TEX2: variants seen among roughly 807,000 people sequenced by gnomAD.
The protein encoded by TEX2 is testis-expressed protein 2.
In TEX2, 53 loss-of-function variants were observed where a neutral mutation model predicts 106.9. That is an observed-to-expected ratio of 0.50 (90% CI 0.40 to 0.62). The LOEUF (loss-of-function observed/expected upper bound fraction) is 0.62, where lower values mean the gene tolerates loss of function less well. Among genes scored for constraint, TEX2 ranks in the 20% least tolerant of loss-of-function variants. The pLI is 0.00. For synonymous variants in TEX2, 523 were observed against 534.8 expected (o/e 0.98, Z 0.30); for missense variants, 1,207 against 1,379.0 (o/e 0.88, Z 1.98).
At chr17:64,247,390 C>A (rs2034009633) in intron 1 of TEX2, among the ~76,000 whole-genome samples, 1 of 152,108 alleles carries the variant, frequency 6.6e-6, no homozygotes, top group African/African-American at 2.4e-5. Flanking sequence ...CAGTAGGGTT[C>A]TGGTCAAAAC....
intron 1 of TEX2, among the ~76,000 whole-genome samples, chr17:64,262,691 C>A (rs1029885296): frequency 7.9e-5 from 12 of 152,226 alleles, no homozygotes; most frequent in Non-Finnish European, 1.8e-4. Context: ...CCGCGTTCTC[C>A]AGGAGTTGGA....
chr17:64,216,293 A>T (rs1437062316), intron 1 of TEX2, among the ~76,000 whole-genome samples: 1 of 152,204 alleles, frequency 6.6e-6, no homozygotes, highest in Non-Finnish European at 1.5e-5. Context: ...TTTAACTATC[A>T]CCTAGTTTTA....
chr17:64,237,860 T>C (rs2033804303), intron 1 of TEX2, among the ~76,000 whole-genome samples: 1 of 152,174 alleles, frequency 6.6e-6, no homozygotes, highest in Admixed American at 6.5e-5. Flanking sequence ...TAACTGATAC[T>C]ATTACATGTC....
chr17:64,179,669 G>A (rs1339647267), intron 5 of TEX2, among the ~76,000 whole-genome samples: 2 of 151,956 alleles, frequency 1.3e-5, no homozygotes, highest in African/African-American at 2.4e-5. Context: ...GTTCGCTTAC[G>A]TTTTTCAATC....
rs541244205 is a variant in TEX2 at position 64,198,147 on chromosome 17, C to A, written c.1645-3052G>T. Among the ~76,000 whole-genome samples, 8 of 151,714 alleles carry A rather than the reference C, an allele frequency of 5.3e-5. No homozygotes were observed. In the South Asian group the frequency reaches 1.7e-3, roughly 32 times the overall value. ...GCTTGTTATATGGTCTATCTTGGTT[C>A]CAAGTGCAGTTAAAAAAAATGCATT... On this transcript the variant is annotated intron_variant, in intron 2 of 11. Transcript: ENST00000584379.
Position 64,152,842 on chromosome 17 carries a change from C to T in TEX2, c.3140+103G>A, listed in dbSNP as rs146883796. On this transcript the variant is annotated intron_variant, in intron 10 of 11. Coordinates refer to ENST00000584379, the MANE Select transcript of TEX2 (RefSeq NM_001288732.2). Reference sequence around the variant, plus strand: ...AAAATTGTTTGGAAGTGCTTCTGCCCGGGAGAAGGTACTTTCCATAACCTC... The same window carrying T: ...AAAATTGTTTGGAAGTGCTTCTGCCTGGGAGAAGGTACTTTCCATAACCTC... 1.8e-4 allele frequency: 216 copies of T among 1,191,748 alleles called. 1 individual carries two copies. The South Asian group carries it at 2.3e-3, about 13-fold the overall frequency. The allele number at this position is 1,191,748 out of a possible 1,614,324, so 73.8% of individuals were successfully genotyped here.
chr17:64,188,865 C>T (rs770714311), intron 4 of TEX2, among the ~76,000 whole-genome samples: 32 of 151,534 alleles, frequency 2.1e-4, no homozygotes, highest in Non-Finnish European at 3.2e-4. Flanking sequence ...CTGAAAAGTA[C>T]CTTTTTCTCT....
chr17:64,208,473 C>T (rs1052563099), intron 2 of TEX2, among the ~76,000 whole-genome samples: 4 of 151,866 alleles, frequency 2.6e-5, no homozygotes, highest in Admixed American at 2.6e-4. Flanking sequence ...CTCCTGACCT[C>T]AAGCAATCCT....
At chr17:64,202,553 T>G (rs2032705552) in intron 2 of TEX2, among the ~76,000 whole-genome samples, 1 of 152,222 alleles carries the variant, frequency 6.6e-6, no homozygotes, top group South Asian at 2.1e-4. Flanking sequence ...TTTCCAGATT[T>G]CAGCAATTGT....
intron 1 of TEX2, among the ~76,000 whole-genome samples, chr17:64,251,715 G>A (rs782051345): frequency 6.6e-6 from 1 of 152,140 alleles, no homozygotes; most frequent in Non-Finnish European, 1.5e-5. Flanking sequence ...CATCTGCAGG[G>A]TCAGTTCTAA....
chr17:64,220,851 G>A (rs1298806826), intron 1 of TEX2, among the ~76,000 whole-genome samples: 1 of 152,092 alleles, frequency 6.6e-6, no homozygotes, highest in Admixed American at 6.6e-5. Flanking sequence ...CCATTACTGG[G>A]TATATACCCA....
In TEX2 at chr17:64,147,322, T is replaced by C. The variant is rs1346398256; in HGVS notation, c.*1647A>G. 1 of 152,192 alleles carries C rather than the reference T, an allele frequency of 6.6e-6. No homozygotes were observed. Among genetic ancestry groups the C allele is most frequent in the Non-Finnish European group, 1.5e-5 (1 of 68,038 alleles). The allele number at this position is 152,192 out of a possible 1,614,324, so 9.4% of individuals were successfully genotyped here. A position where few individuals can be genotyped will look rare whatever the true frequency, so the allele number is the denominator to read the frequency against. On this transcript the variant is annotated 3_prime_UTR_variant, in exon 12 of 12. Transcript: ENST00000584379. ...TTGTAGCCTTAGGACTGGGCAGTGATCAACGCAGTAAATGAAAGCTGCGAT... is the reference window on the plus strand; with the variant it reads ...TTGTAGCCTTAGGACTGGGCAGTGACCAACGCAGTAAATGAAAGCTGCGAT...
chr17:64,179,536 G>A (rs1160383215), intron 5 of TEX2, among the ~76,000 whole-genome samples: 4 of 152,150 alleles, frequency 2.6e-5, no homozygotes, highest in Admixed American at 6.5e-5. Context: ...TTTAAGAGCT[G>A]TAACACTCAC....
chr17:64,195,395 T>C lies in TEX2; in HGVS notation c.1645-300A>G, dbSNP rs1284290798. Among the ~76,000 whole-genome samples, 1 of 152,208 alleles carries C rather than the reference T, an allele frequency of 6.6e-6. No individual in the cohort carries two copies. Among genetic ancestry groups the C allele is most frequent in the Non-Finnish European group, 1.5e-5 (1 of 68,028 alleles). Reference sequence around the variant, plus strand: ...TAAGCACATCAGGAAACTCAGAAGATTTGTTCATGTGACTGAGCAAGCCTC... The same window carrying C: ...TAAGCACATCAGGAAACTCAGAAGACTTGTTCATGTGACTGAGCAAGCCTC... On this transcript the variant is annotated intron_variant, in intron 2 of 11. Coordinates refer to ENST00000584379, the MANE Select transcript of TEX2 (RefSeq NM_001288732.2). The surrounding 1 kb of genome is among the most constrained non-coding windows in gnomAD (Gnocchi z 4.1).
chr17:64,193,425 T>C (rs2166290), intron 4 of TEX2, 134 bp downstream of exon 4: 536,214 of 652,778 alleles, frequency 0.82, 221,115 homozygotes, highest in Middle Eastern at 0.92. Flanking sequence ...GTCATGAGAA[T>C]GCACATTAGG....
chr17:64,211,924 A>C (rs1434600940), intron 2 of TEX2, among the ~76,000 whole-genome samples: 1 of 152,228 alleles, frequency 6.6e-6, no homozygotes, highest in African/African-American at 2.4e-5. Flanking sequence ...AAGCAGGAGG[A>C]TCACTTGAGC....
At chr17:64,216,815 G>T (rs1383109765) in intron 1 of TEX2, among the ~76,000 whole-genome samples, 5 of 152,164 alleles carry the variant, frequency 3.3e-5, no homozygotes, top group African/African-American at 1.2e-4. Context: ...GCCAGGTAAA[G>T]CGACCTCTGA....
intron 1 of TEX2, among the ~76,000 whole-genome samples, chr17:64,244,085 G>A (rs1280211843): frequency 6.6e-6 from 1 of 152,192 alleles, no homozygotes; most frequent in South Asian, 2.1e-4. Flanking sequence ...GGGATTACAA[G>A]TGTGAACCAC....
chr17:64,207,639 C>T (rs1460655851), intron 2 of TEX2, among the ~76,000 whole-genome samples: 5 of 152,156 alleles, frequency 3.3e-5, no homozygotes, highest in Non-Finnish European at 7.4e-5. Flanking sequence ...GGTCTATCTC[C>T]TACATCACTT....
Sources: allele counts gnomAD v4.1 joint callset (sites outside exome capture counted in the v4.1 genomes callset), GRCh38; gene constraint gnomAD v4.1.1; non-coding constraint Gnocchi (gnomAD v3.1); transcripts MANE v1.5; gene names NCBI Gene and HGNC (gene_info 2026-07-23, HGNC 2026-07-21).